Variants in CREB1 observed in about 807,000 individuals in gnomAD.
CREB1 encodes the protein cyclic AMP-responsive element-binding protein 1.
Under a neutral mutation model 42.0 loss-of-function variants are expected in CREB1, and 2 were observed. The observed-to-expected ratio is 0.05, with a 90% confidence interval of 0.02 to 0.15. CREB1 has a LOEUF of 0.15. CREB1 is among the 10% of genes least tolerant of loss of function. The probability of loss-of-function intolerance (pLI) is 1.00; values close to 1 mark genes in which losing one functional copy is unlikely to be tolerated. For synonymous variants in CREB1, 123 were observed against 139.9 expected, an observed-to-expected ratio of 0.88 and a Z score of 0.85; for missense variants, 199 against 388.9, an observed-to-expected ratio of 0.51 and a Z score of 4.11.
chr2:207,534,761 A>G (rs2080799927), intron 1 of CREB1: 1 of 152,260 alleles, frequency 6.6e-6, no homozygotes, highest in East Asian at 1.9e-4. Flanking sequence ...AATTCAAAAC[A>G]TAATAACAGC....
intron 3 of CREB1, among the ~76,000 whole-genome samples, chr2:207,562,474 T>G (rs768309341): frequency 2.6e-5 from 4 of 152,204 alleles, no homozygotes; most frequent in Non-Finnish European, 1.5e-5. Context: ...TATAGAAATA[T>G]TCTCTTTTTT....
At chr2:207,581,346 C>T (rs188441045) in intron 7 of CREB1, 35 of 199,344 alleles carry the variant, frequency 1.8e-4, no homozygotes, top group African/African-American at 7.6e-4. Flanking sequence ...CTATATACAA[C>T]TAGCCATTAA....
intron 1 of CREB1, among the ~76,000 whole-genome samples, chr2:207,554,096 C>T (rs183359457): frequency 6.6e-6 from 1 of 152,110 alleles, no homozygotes; most frequent in African/African-American, 2.4e-5. Context: ...ATATTACTAT[C>T]GATTATATGG....
At chr2:207,576,982 T>A (rs2082623670) in intron 6 of CREB1, 1 of 884,072 alleles carries the variant, frequency 1.1e-6, no homozygotes, top group Admixed American at 6.1e-5. Flanking sequence ...TGGCATCAAG[T>A]GATACACTTT....
At chr2:207,552,875 C>CAAAGTG (rs2081568231) in intron 1 of CREB1, among the ~76,000 whole-genome samples, 1 of 151,150 alleles carries the variant, frequency 6.6e-6, no homozygotes, top group Non-Finnish European at 1.5e-5. Flanking sequence ...CTCGGCCTCC[C>CAAAGTG]CAAGTGCTGG....
chr2:207,593,289 G>A (rs2106636749), intron 7 of CREB1, among the ~76,000 whole-genome samples: 1 of 152,316 alleles, frequency 6.6e-6, no homozygotes, highest in Admixed American at 6.5e-5. Flanking sequence ...ACTTTGGGAG[G>A]CTGAGGCAGG....
intron 3 of CREB1, among the ~76,000 whole-genome samples, chr2:207,566,046 G>T (rs908178251): frequency 6.6e-6 from 1 of 152,144 alleles, no homozygotes; most frequent in African/African-American, 2.4e-5. Flanking sequence ...TCTGTCATTT[G>T]TGAATTCATT....
chr2:207,540,669 TAAAAAAAAAAAAAAAAAA>T (rs35714520), intron 1 of CREB1, among the ~76,000 whole-genome samples: 1 of 64,268 alleles, frequency 1.6e-5, no homozygotes, highest in Non-Finnish European at 2.6e-5. Flanking sequence ...GTTTAAAAAG[TAAAAAAAAAAAAAAAAAA>T]AAAAAAAAAA....
chr2:207,534,695 A>AT (rs1225488911), intron 1 of CREB1: 1 of 152,192 alleles, frequency 6.6e-6, no homozygotes, highest in East Asian at 1.9e-4. Flanking sequence ...TGAGGAGTAT[A>AT]TTTTTTATAT....
intron 7 of CREB1, among the ~76,000 whole-genome samples, chr2:207,584,508 AT>A (rs1297766434): frequency 6.6e-6 from 1 of 151,922 alleles, no homozygotes; most frequent in Non-Finnish European, 1.5e-5. Flanking sequence ...GGTTCAAGAG[AT>A]TCTCGTGCCT....
chr2:207,603,074 C>T lies in CREB1; in HGVS notation c.*6016C>T, dbSNP rs1575075809. ...GTATTGATTTTTAACTCTGATGTTT[C>T]TATTGGAGTTGAATACTAAATAAAT... On this transcript the variant is annotated 3_prime_UTR_variant, in exon 8 of 8. Transcript: ENST00000353267. The T allele has an allele frequency of 2.4e-5, 5 of 211,264 alleles. No individual in the cohort carries two copies. In the East Asian group the frequency reaches 3.6e-4, roughly 15 times the overall value. 13.1% of individuals were successfully genotyped at this position (211,264 alleles called of 1,614,324 possible).
intron 7 of CREB1, among the ~76,000 whole-genome samples, chr2:207,579,957 A>G (rs1256469619): frequency 6.6e-6 from 1 of 151,946 alleles, no homozygotes; most frequent in Non-Finnish European, 1.5e-5. Context: ...CTACTTTTCA[A>G]ATTTTTCCTT....
intron 7 of CREB1, among the ~76,000 whole-genome samples, chr2:207,590,583 T>C (rs1017389364): frequency 6.6e-6 from 1 of 152,154 alleles, no homozygotes; most frequent in Admixed American, 6.6e-5. Flanking sequence ...TTTCAGTTTC[T>C]AAGAAAACTT....
At chr2:207,594,001 C>G (rs2085615174) in intron 7 of CREB1, among the ~76,000 whole-genome samples, 1 of 152,080 alleles carries the variant, frequency 6.6e-6, no homozygotes, top group East Asian at 1.9e-4. Flanking sequence ...CCTGGGATTA[C>G]AGGGGTGAGC....
intron 7 of CREB1, among the ~76,000 whole-genome samples, chr2:207,593,752 C>G (rs1370885760): frequency 6.8e-6 from 1 of 146,934 alleles, no homozygotes; most frequent in Non-Finnish European, 1.5e-5. Flanking sequence ...GACGGAAACA[C>G]CTATCACCCA....
rs901130199 is a variant in CREB1 at position 207,601,933 on chromosome 2, G to C, written c.*4875G>C. On this transcript the variant is annotated 3_prime_UTR_variant, in exon 8 of 8. Transcript: ENST00000353267. ...CTATTAAGTTGGCTACACAGTCACT[G>C]TATGTACTAGGAACTGGTTTCCTTG... 4.0e-4 allele frequency: 85 copies of C among 211,230 alleles called. No homozygotes were observed. Among genetic ancestry groups the C allele is most frequent in the African/African-American group, 1.9e-3 (84 of 44,238 alleles). The allele number at this position is 211,230 out of a possible 1,614,324, so 13.1% of individuals were successfully genotyped here. A position where few individuals can be genotyped will look rare whatever the true frequency, so the allele number is the denominator to read the frequency against.
intron 7 of CREB1, chr2:207,580,492 C>G: frequency 4.6e-6 from 1 of 217,016 alleles, no homozygotes; most frequent in Non-Finnish European, 9.3e-6. Flanking sequence ...TATTTGGTTT[C>G]CTCTTCTAGT....
chr2:207,573,264 T>C (rs1258329264), intron 5 of CREB1, among the ~76,000 whole-genome samples: 1 of 152,264 alleles, frequency 6.6e-6, no homozygotes, highest in African/African-American at 2.4e-5. Flanking sequence ...CAAATCTTTT[T>C]GGAATAATAA....
At chr2:207,562,395 T>A (rs1054985005) in intron 3 of CREB1, among the ~76,000 whole-genome samples, 1 of 152,360 alleles carries the variant, frequency 6.6e-6, no homozygotes, top group East Asian at 1.9e-4. Context: ...TATTGTTGAT[T>A]GTATTCTTGA....
Sources: gnomAD v4.1 joint callset for allele counts (sites outside exome capture counted in the v4.1 genomes callset) on GRCh38, gnomAD v4.1.1 for gene constraint, MANE v1.5 for transcripts, NCBI Gene and HGNC (gene_info 2026-07-23, HGNC 2026-07-21) for gene names.